CACNB2: variants seen among roughly 807,000 people sequenced by gnomAD.
The protein encoded by CACNB2 is voltage-dependent L-type calcium channel subunit beta-2.
A neutral mutation model predicts 73.3 loss-of-function variants in CACNB2; 42 were observed. That is an observed-to-expected ratio of 0.57 (90% CI 0.45 to 0.74). The LOEUF (loss-of-function observed/expected upper bound fraction) is 0.74. Ranked by LOEUF, CACNB2 falls within the 30% of genes least tolerant of loss-of-function variation. The pLI is 0.00. For synonymous variants in CACNB2, 348 were observed against 310.3 expected, an observed-to-expected ratio of 1.12 and a Z score of -1.28; for missense variants, 940 against 853.0, an observed-to-expected ratio of 1.10 and a Z score of -1.27.
At chr10:18,501,766 T>C (rs2050204767) in intron 5 of CACNB2, among the ~76,000 whole-genome samples, 1 of 152,260 alleles carries the variant, frequency 6.6e-6, no homozygotes, top group Non-Finnish European at 1.5e-5. Flanking sequence ...TCAGTGATAA[T>C]ACTTTACTGT....
At chr10:18,256,013 TA>T (rs1241213927) in intron 2 of CACNB2, among the ~76,000 whole-genome samples, 1 of 152,202 alleles carries the variant, frequency 6.6e-6, no homozygotes, top group African/African-American at 2.4e-5. Context: ...AAAGAAACAT[TA>T]ATCCTCATAC....
intron 2 of CACNB2, among the ~76,000 whole-genome samples, chr10:18,341,943 T>G (rs539256700): frequency 7.1e-4 from 108 of 152,326 alleles, no homozygotes; most frequent in Middle Eastern, 6.8e-3. Context: ...GAGTTGGCCC[T>G]CATTAAGTAT....
chr10:18,292,461 G>C (rs973955522), intron 2 of CACNB2, among the ~76,000 whole-genome samples: 5 of 152,142 alleles, frequency 3.3e-5, no homozygotes, highest in African/African-American at 1.2e-4. Context: ...TTCGAGACCA[G>C]CCTGGCCAAT....
intron 3 of CACNB2, among the ~76,000 whole-genome samples, chr10:18,457,114 A>C (rs2047322880): frequency 6.6e-6 from 1 of 152,034 alleles, no homozygotes. Flanking sequence ...GTATGTTTAG[A>C]CAGAGTTTCA....
chr10:18,499,286 C>T lies in CACNB2; in HGVS notation c.456+809C>T, dbSNP rs538857405. 2.6e-5 allele frequency among the ~76,000 whole-genome samples: 4 copies of T among 152,248 alleles called. No homozygotes were observed. The East Asian group carries it at 7.7e-4, about 29-fold the overall frequency. The stretch of plus-strand genomic sequence containing the variant: ...GTGTAAATCGAAACTCTTCACTGCA[C>T]TAAAGGCTGTCAGCAAAGGAGTTGA... On this transcript the variant is annotated intron_variant, in intron 4 of 13. Transcript: ENST00000324631.
In CACNB2 at chr10:18,448,162, A is replaced by G. The variant is rs535930786; in HGVS notation, c.333+46119A>G. Among the ~76,000 whole-genome samples, 4 of 152,158 alleles carry G rather than the reference A, an allele frequency of 2.6e-5. No individual in the cohort carries two copies. In the South Asian group the frequency reaches 8.3e-4, roughly 32 times the overall value. On this transcript the variant is annotated intron_variant, in intron 3 of 13. Transcript: ENST00000324631. ...GTGAGCCACTGTACCTGGACCTACT[A>G]CTAAAATCCCTGGAATGGTAGTTCT... is the stretch of plus-strand genomic sequence containing the variant.
chr10:18,473,632 G>T (rs2048299206), intron 3 of CACNB2, among the ~76,000 whole-genome samples: 1 of 152,154 alleles, frequency 6.6e-6, no homozygotes, highest in Admixed American at 6.5e-5. Flanking sequence ...TGGTGCACTG[G>T]TGTGTTAGTA....
At position 18,434,566 on chromosome 10, in the gene CACNB2, G is replaced by T. The variant is rs139953367; in HGVS notation, c.333+32523G>T. Among the ~76,000 whole-genome samples the T allele has an allele frequency of 3.6e-3, 554 of 152,216 alleles. 2 individuals are homozygous for T. Among genetic ancestry groups the T allele is most frequent in the African/African-American group, 0.012 (500 of 41,530 alleles). ...CATTCTTAAAAATTAATATGATGATGATTATTATATTTTTTATAGAGACAG... is the reference window on the plus strand; with the variant it reads ...CATTCTTAAAAATTAATATGATGATTATTATTATATTTTTTATAGAGACAG... On this transcript the variant is annotated intron_variant, in intron 3 of 13. Transcript: ENST00000324631.
intron 3 of CACNB2, among the ~76,000 whole-genome samples, chr10:18,472,208 G>C (rs2048220130): frequency 7.0e-6 from 1 of 143,504 alleles, no homozygotes; most frequent in African/African-American, 2.6e-5. Context: ...TTAATATCCG[G>C]CCCACTTTTC....
intron 2 of CACNB2, among the ~76,000 whole-genome samples, chr10:18,386,055 C>G (rs2043216576): frequency 6.6e-6 from 1 of 152,092 alleles, no homozygotes. Context: ...AAATTTTATC[C>G]ATAAGGGGCA....
chr10:18,484,767 A>G (rs7476477), intron 3 of CACNB2, among the ~76,000 whole-genome samples: 81,420 of 152,100 alleles, frequency 0.54, 22,060 homozygotes, highest in South Asian at 0.67. Context: ...TAAAATGTTT[A>G]TTGTATTTAC....
intron 2 of CACNB2, among the ~76,000 whole-genome samples, chr10:18,243,920 A>G (rs1472646880): frequency 1.3e-5 from 2 of 152,226 alleles, no homozygotes; most frequent in Admixed American, 6.5e-5. Context: ...AAGACAGGGA[A>G]CAACGAGAGC....
chr10:18,261,170 G>T, intron 2 of CACNB2: 1 of 1,547,244 alleles, frequency 6.5e-7, no homozygotes. Context: ...TCTTACCTGG[G>T]AGTAGAAGGT....
intron 3 of CACNB2, among the ~76,000 whole-genome samples, chr10:18,497,813 A>T (rs2133005252): frequency 6.6e-6 from 1 of 152,370 alleles, no homozygotes; most frequent in East Asian, 1.9e-4. Flanking sequence ...TAGGAGAAAT[A>T]ATAGAAGAAA....
chr10:18,191,922 TATA>T (rs1405665596), intron 2 of CACNB2, among the ~76,000 whole-genome samples: 7 of 152,168 alleles, frequency 4.6e-5, no homozygotes, highest in African/African-American at 1.4e-4. Context: ...GTCTTTTTAA[TATA>T]ATGTCTTCTT....
intron 2 of CACNB2, among the ~76,000 whole-genome samples, chr10:18,277,580 A>G (rs546372935): frequency 6.6e-6 from 1 of 152,392 alleles, no homozygotes; most frequent in African/African-American, 2.4e-5. Flanking sequence ...AATCAATATA[A>G]AGATGAAATA....
rs780734976 is a variant in CACNB2 at position 18,540,481 on chromosome 10, A to AAAGT, written c.*758_*761dup. 2.7e-4 allele frequency: 41 copies of AAAGT among 152,614 alleles called. No homozygotes were observed. The highest frequency in any genetic ancestry group is 5.1e-4 in the Non-Finnish European group (35 of 68,030). 9.5% of individuals were successfully genotyped at this position (152,614 alleles called of 1,614,324 possible). On this transcript the variant is annotated 3_prime_UTR_variant, in exon 14 of 14. Coordinates refer to ENST00000324631, the MANE Select transcript of CACNB2 (RefSeq NM_201596.3). ...TAGACACCTATCCTCATTCTAGTAG[A>AAAGT]AAGTGTGTACATACTGTAAATATGT...
intron 2 of CACNB2, among the ~76,000 whole-genome samples, chr10:18,304,154 T>A (rs1019297495): frequency 6.6e-6 from 1 of 152,130 alleles, no homozygotes; most frequent in Admixed American, 6.5e-5. Context: ...TAGGGTTGCA[T>A]TATGTTGCCC....
At chr10:18,471,329 G>A (rs954371583) in intron 3 of CACNB2, among the ~76,000 whole-genome samples, 2 of 151,990 alleles carry the variant, frequency 1.3e-5, no homozygotes, top group Non-Finnish European at 2.9e-5. Flanking sequence ...AGGAAGAAAG[G>A]TATTGAACAG....
Sources: gnomAD v4.1 joint callset for allele counts (sites outside exome capture counted in the v4.1 genomes callset) on GRCh38, gnomAD v4.1.1 for gene constraint, MANE v1.5 for transcripts, NCBI Gene and HGNC (gene_info 2026-07-23, HGNC 2026-07-21) for gene names.